The following PTPRD variants were observed in gnomAD, a reference collection of about 807,000 sequenced individuals.
The protein encoded by PTPRD is protein tyrosine phosphatase receptor type D.
PTPRD carries 34 observed loss-of-function variants against 214.5 expected under a neutral mutation model. The ratio of observed to expected loss-of-function variants is 0.16; its 90% CI spans 0.12 to 0.21. The LOEUF is 0.21. Among genes scored for constraint, PTPRD ranks in the 10% least tolerant of loss-of-function variants. The pLI is 1.00. For missense variants in PTPRD, 2,545 were observed against 2,398.7 expected (o/e 1.06, Z -1.27); for synonymous variants, 1,128 against 845.7 (o/e 1.33, Z -5.79).
At chr9:8,385,770 T>A (rs1297924890) in intron 37 of PTPRD, among the ~76,000 whole-genome samples, 1 of 152,142 alleles carries the variant, frequency 6.6e-6, no homozygotes, top group Non-Finnish European at 1.5e-5. Context: ...TTTGGTCTGT[T>A]CCCCGGCTGA....
At chr9:9,819,852 T>A (rs906634754) in intron 5 of PTPRD, among the ~76,000 whole-genome samples, 1 of 152,204 alleles carries the variant, frequency 6.6e-6, no homozygotes, top group Non-Finnish European at 1.5e-5. Flanking sequence ...CTATGCAGTA[T>A]TCATGGTATA....
intron 7 of PTPRD, among the ~76,000 whole-genome samples, chr9:9,653,340 C>T (rs1301222685): frequency 2.3e-5 from 2 of 85,586 alleles, no homozygotes; most frequent in African/African-American, 9.9e-5. Context: ...CAGAGCGAGA[C>T]TCCGTCTCAA....
chr9:10,524,133 C>T (rs1018412532), intron 2 of PTPRD, among the ~76,000 whole-genome samples: 1 of 151,912 alleles, frequency 6.6e-6, no homozygotes, highest in Non-Finnish European at 1.5e-5. Context: ...CTAAGGCCAC[C>T]GATCCTATAG....
intron 5 of PTPRD, among the ~76,000 whole-genome samples, chr9:9,821,861 T>A (rs917254100): frequency 6.6e-6 from 1 of 151,074 alleles, no homozygotes; most frequent in East Asian, 1.9e-4. Flanking sequence ...AGGACATGCA[T>A]GTGCATGCCT....
At position 8,315,635 on chromosome 9, in the gene PTPRD, T is replaced by C. The variant is rs1333896914; in HGVS notation, c.*2239A>G. 8.8e-6 allele frequency: 2 copies of C among 228,188 alleles called. No individual in the cohort carries two copies. Among genetic ancestry groups the C allele is most frequent in the African/African-American group, 4.4e-5 (2 of 45,048 alleles). 14.1% of individuals were successfully genotyped at this position (228,188 alleles called of 1,614,324 possible). Reference sequence around the variant, plus strand: ...TTCTAGATACTTTTTTTTAGTATTATATATATTTTCTTTTTTTTCTTTTTC... The same window carrying C: ...TTCTAGATACTTTTTTTTAGTATTACATATATTTTCTTTTTTTTCTTTTTC... On this transcript the variant is annotated 3_prime_UTR_variant, in exon 46 of 46. Coordinates refer to ENST00000381196, the MANE Select transcript of PTPRD (RefSeq NM_002839.4).
At chr9:9,830,121 T>A (rs1264272233) in intron 5 of PTPRD, among the ~76,000 whole-genome samples, 1 of 151,676 alleles carries the variant, frequency 6.6e-6, no homozygotes, top group Non-Finnish European at 1.5e-5. Context: ...ATTTTAAAAA[T>A]TCATATATAT....
rs566169389 is a variant in PTPRD at position 9,699,714 on chromosome 9, G to C, written c.-287+34819C>G. ...GAGCTGTTTCTTGCACTTATTGAAA[G>C]AAGAGGGACCGTTAAAGTTTTAGTA... is the stretch of plus-strand genomic sequence containing the variant. On this transcript the variant is annotated intron_variant, in intron 7 of 45. Transcript: ENST00000381196. 1.1e-4 allele frequency among the ~76,000 whole-genome samples: 16 copies of C among 152,166 alleles called. 1 individual carries two copies. The highest frequency in any genetic ancestry group is 2.1e-4 in the Non-Finnish European group (14 of 68,018).
intron 7 of PTPRD, among the ~76,000 whole-genome samples, chr9:9,690,153 G>C (rs10816165): frequency 6.6e-6 from 1 of 151,612 alleles, no homozygotes; most frequent in African/African-American, 2.4e-5. Flanking sequence ...TCCAGCATTC[G>C]TTATTGCCTG....
At chr9:10,518,834 A>G (rs1375698718) in intron 2 of PTPRD, among the ~76,000 whole-genome samples, 1 of 151,404 alleles carries the variant, frequency 6.6e-6, no homozygotes, top group Non-Finnish European at 1.5e-5. Flanking sequence ...GCTCAGCCTT[A>G]CATTGTTTTT....
At chr9:10,339,709 G>A (rs915196711) in intron 3 of PTPRD, among the ~76,000 whole-genome samples, 2 of 151,590 alleles carry the variant, frequency 1.3e-5, no homozygotes, top group Non-Finnish European at 3.0e-5. Context: ...GTGGGGAGAA[G>A]TCCTGTTATC....
rs182757774 is a variant in PTPRD at position 9,406,204 on chromosome 9, T to G, written c.-236-8722A>C. Among the ~76,000 whole-genome samples the G allele has an allele frequency of 7.9e-5, 12 of 152,056 alleles. No homozygotes were observed. In the East Asian group the frequency reaches 2.3e-3, roughly 29 times the overall value. ...ATTAAAATTATCACCTGAAAAGTGC[T>G]GTTAAAAAGATGGTAAGGGCCAATC... is the stretch of plus-strand genomic sequence containing the variant. On this transcript the variant is annotated intron_variant, in intron 8 of 45. Transcript: ENST00000381196.
intron 10 of PTPRD, among the ~76,000 whole-genome samples, chr9:9,102,396 T>C (rs2099792609): frequency 6.6e-6 from 1 of 152,170 alleles, no homozygotes; most frequent in African/African-American, 2.4e-5. Context: ...TTTGAGCCAT[T>C]GAACCAGAAT....
rs571967597 is a variant in PTPRD, at chr9:10,352,242, C to G, written c.-599-11225G>C. On this transcript the variant is annotated intron_variant, in intron 2 of 45. Coordinates refer to ENST00000381196, the MANE Select transcript of PTPRD (RefSeq NM_002839.4). ...TCAAAATACATAAAATTACTTTATC[C>G]TGTTTTAATATCAATGGATTATTTT... 9.2e-5 allele frequency among the ~76,000 whole-genome samples: 14 copies of G among 152,046 alleles called. No homozygotes were observed. In the South Asian group the frequency reaches 2.9e-3, roughly 32 times the overall value.
intron 44 of PTPRD, among the ~76,000 whole-genome samples, chr9:8,322,812 G>C (rs1476130710): frequency 5.9e-5 from 9 of 152,148 alleles, no homozygotes; most frequent in African/African-American, 2.2e-4. Flanking sequence ...TAGCTACAGA[G>C]GAGGAGTCAA....
intron 2 of PTPRD, among the ~76,000 whole-genome samples, chr9:10,546,865 A>C (rs2060275244): frequency 6.6e-6 from 1 of 152,128 alleles, no homozygotes; most frequent in East Asian, 1.9e-4. Flanking sequence ...AAAATTCCCC[A>C]TTACAACCCT....
intron 10 of PTPRD, among the ~76,000 whole-genome samples, chr9:9,142,392 A>C (rs567431915): frequency 6.6e-6 from 1 of 152,192 alleles, no homozygotes; most frequent in Non-Finnish European, 1.5e-5. Flanking sequence ...TTTTATTCTT[A>C]CAAATATATT....
chr9:8,746,387 T>C (rs1486054405), intron 11 of PTPRD, among the ~76,000 whole-genome samples: 1 of 152,202 alleles, frequency 6.6e-6, no homozygotes, highest in Non-Finnish European at 1.5e-5. Flanking sequence ...CACTATGCAT[T>C]TCCCATACCA....
chr9:8,331,540 C>T, intron 44 of PTPRD, 42 bp downstream of exon 44: 1 of 1,221,638 alleles, frequency 8.2e-7, no homozygotes, highest in South Asian at 1.6e-5. Flanking sequence ...AATGAAGAAA[C>T]ACCACCACTT....
At chr9:8,707,823 A>G (rs1383096041) in intron 12 of PTPRD, among the ~76,000 whole-genome samples, 2 of 152,174 alleles carry the variant, frequency 1.3e-5, no homozygotes, top group African/African-American at 2.4e-5. Context: ...AATGCATACC[A>G]CAGTGTTCAC....
Sources: allele counts gnomAD v4.1 joint callset (sites outside exome capture counted in the v4.1 genomes callset), GRCh38; gene constraint gnomAD v4.1.1; transcripts MANE v1.5; gene names NCBI Gene and HGNC (gene_info 2026-07-23, HGNC 2026-07-21).